Variants in NEDD4 observed in about 807,000 individuals in gnomAD.
The protein encoded by NEDD4 is NEDD4 E3 ubiquitin protein ligase.
In NEDD4, 99 loss-of-function variants were observed where a neutral mutation model predicts 144.9. The ratio of observed to expected loss-of-function variants is 0.68; its 90% CI spans 0.58 to 0.81. The LOEUF (loss-of-function observed/expected upper bound fraction) is 0.81. NEDD4 is among the 30% of genes least tolerant of loss of function. The pLI is 0.00. For missense variants in NEDD4, 985 were observed against 1,065.9 expected (o/e 0.92, Z 1.06); for synonymous variants, 318 against 350.6 (o/e 0.91, Z 1.04).
intron 5 of NEDD4, among the ~76,000 whole-genome samples, chr15:55,912,128 C>A (rs1292848804): frequency 2.6e-5 from 4 of 152,166 alleles, no homozygotes; most frequent in African/African-American, 4.8e-5. Context: ...ATTGTGGCAT[C>A]ACATTTTAGA....
rs2037989963 is a variant in NEDD4, at chr15:55,991,625, G to A, written c.45+1886C>T. ...ATGTGGACAAAATAGAGCGGGGACA[G>A]AAGCAAATTAGAGTCATGGAACTGA... On this transcript the variant is annotated intron_variant, in intron 1 of 28. Transcript: ENST00000435532. Among the ~76,000 whole-genome samples, 4 of 152,328 alleles carry A rather than the reference G, an allele frequency of 2.6e-5. No individual in the cohort carries two copies. In the South Asian group the frequency reaches 8.3e-4, roughly 32 times the overall value.
At chr15:55,954,377 T>C (rs2037299237) in intron 2 of NEDD4, among the ~76,000 whole-genome samples, 2 of 152,190 alleles carry the variant, frequency 1.3e-5, no homozygotes, top group African/African-American at 4.8e-5. Flanking sequence ...CATTTTCCCT[T>C]TCCAGTCTTA....
At chr15:55,902,709 A>G (rs1365344623) in intron 5 of NEDD4, among the ~76,000 whole-genome samples, 1 of 152,236 alleles carries the variant, frequency 6.6e-6, no homozygotes, top group Non-Finnish European at 1.5e-5. Context: ...TATTAAATAA[A>G]AAGAACTTAA....
chr15:55,951,490 T>G lies in NEDD4; in HGVS notation c.198+21A>C, dbSNP rs1233160604. 4.7e-6 allele frequency: 7 copies of G among 1,493,794 alleles called. No individual in the cohort carries two copies. The African/African-American group carries it at 1.0e-4, about 21-fold the overall frequency. The allele number at this position is 1,493,794 out of a possible 1,614,324, so 92.5% of individuals were successfully genotyped here. A position where few individuals can be genotyped will look rare whatever the true frequency, so the allele number is the denominator to read the frequency against. On this transcript the variant is annotated intron_variant, in intron 3 of 28. Transcript: ENST00000435532. ...ATAAAACAAAGTACATTAAAAACTT[T>G]TGAATATTGCTAAGTCTAACCTTTT...
chr15:55,966,855 T>C (rs1176120932), intron 1 of NEDD4, among the ~76,000 whole-genome samples: 2 of 152,150 alleles, frequency 1.3e-5, no homozygotes, highest in Non-Finnish European at 2.9e-5. Context: ...TATTGCTATA[T>C]ATGTACACAA....
intron 5 of NEDD4, chr15:55,916,167 G>T: frequency 6.2e-7 from 1 of 1,613,926 alleles, no homozygotes; most frequent in Non-Finnish European, 8.5e-7. Context: ...TTCACAAGGA[G>T]TAGTATTCCT....
intron 1 of NEDD4, among the ~76,000 whole-genome samples, chr15:55,977,159 A>C (rs1466820298): frequency 6.6e-6 from 1 of 152,204 alleles, no homozygotes; most frequent in Non-Finnish European, 1.5e-5. Flanking sequence ...GCCTCGCTAA[A>C]TAAGATAGTC....
intron 1 of NEDD4, among the ~76,000 whole-genome samples, chr15:55,991,423 T>C (rs1332737305): frequency 6.6e-6 from 1 of 152,218 alleles, no homozygotes; most frequent in African/African-American, 2.4e-5. Context: ...TATCTTTCCC[T>C]CAGTCCGAGG....
At chr15:55,977,409 C>A (rs776340217) in intron 1 of NEDD4, among the ~76,000 whole-genome samples, 5 of 152,218 alleles carry the variant, frequency 3.3e-5, no homozygotes, top group Non-Finnish European at 7.3e-5. Flanking sequence ...TGTGTAACTA[C>A]ACTCTATGAC....
At position 55,863,058 on chromosome 15, in the gene NEDD4, G is replaced by A; in HGVS notation, c.529C>T (p.Gln177Ter). The change falls in exon 9 of 29, where the codon CAA becomes TAA. Residue 177 changes from glutamine to a stop codon, truncating the protein, a stop_gained. Coordinates refer to ENST00000435532, the MANE Select transcript of NEDD4 (RefSeq NM_006154.4). LOFTEE classifies it high-confidence loss of function. Reference protein sequence around the residue: ...ELEPGWVVLDQPDAACHLQQQ... With the variant: ...ELEPGWVVLD Reference sequence around the variant, plus strand: ...TGCAAATGGCAAGCAGCATCTGGTTGGTCCAAAACAACCCAGCCAGGCTGA... The same window carrying A: ...TGCAAATGGCAAGCAGCATCTGGTTAGTCCAAAACAACCCAGCCAGGCTGA... The A allele has an allele frequency of 6.3e-7, 1 of 1,590,022 alleles. No individual in the cohort carries two copies. The highest frequency in any genetic ancestry group is 8.6e-7 in the Non-Finnish European group (1 of 1,164,360).
chr15:55,898,676 G>A lies in NEDD4; in HGVS notation c.292-24668C>T, dbSNP rs1313392168. Among the ~76,000 whole-genome samples the A allele has an allele frequency of 4.7e-5, 4 of 85,084 alleles. No individual in the cohort carries two copies. The Admixed American group carries it at 6.4e-4, about 14-fold the overall frequency. 55.8% of individuals were successfully genotyped at this position (85,084 alleles called of 152,430 possible). A position where few individuals can be genotyped will look rare whatever the true frequency, so the allele number is the denominator to read the frequency against. ...TTTTGAGACAAGGTCTTACTTTGTT[G>A]CCCAGGCTAAATACAGTGGCACAAT... On this transcript the variant is annotated intron_variant, in intron 5 of 28. Coordinates refer to ENST00000435532, the MANE Select transcript of NEDD4 (RefSeq NM_006154.4).
At chr15:55,941,367 C>T (rs1357987754) in intron 4 of NEDD4, among the ~76,000 whole-genome samples, 2 of 152,060 alleles carry the variant, frequency 1.3e-5, no homozygotes, top group East Asian at 3.8e-4. Context: ...ACTGAAATAG[C>T]TTCATCCCAC....
intron 1 of NEDD4, among the ~76,000 whole-genome samples, chr15:55,968,425 T>C (rs1380759338): frequency 1.3e-5 from 2 of 152,012 alleles, no homozygotes; most frequent in Non-Finnish European, 2.9e-5. Context: ...TGAGAAAAAA[T>C]ATCATGTGCA....
At chr15:55,913,174 C>T (rs1387199190) in intron 5 of NEDD4, among the ~76,000 whole-genome samples, 3 of 152,044 alleles carry the variant, frequency 2.0e-5, no homozygotes, top group African/African-American at 7.2e-5. Context: ...AGATAGCTGA[C>T]ATTACTAAAT....
At chr15:55,873,772 C>T (rs550504041) in intron 6 of NEDD4, among the ~76,000 whole-genome samples, 186 bp downstream of exon 6, 8 of 151,898 alleles carry the variant, frequency 5.3e-5, no homozygotes, top group African/African-American at 9.7e-5. Flanking sequence ...GGTTCATGAA[C>T]GGAAATCTTA....
rs1407920036 is a variant in NEDD4 at position 55,988,501 on chromosome 15, A to AAAG, written c.45+5009_45+5010insCTT. ...AAAAAAAAAATTAAAAAAAAAAAAAAAAAAAGAAAAACTGAGGAAATGTTA... is the reference window on the plus strand; with the variant it reads ...AAAAAAAAAATTAAAAAAAAAAAAAAAAGAAAAAGAAAAACTGAGGAAATGTTA... On this transcript the variant is annotated intron_variant, in intron 1 of 28. Coordinates refer to ENST00000435532, the MANE Select transcript of NEDD4 (RefSeq NM_006154.4). 2.0e-5 allele frequency among the ~76,000 whole-genome samples: 3 copies of AAAG among 149,070 alleles called. No homozygotes were observed. In the South Asian group the frequency reaches 6.4e-4, roughly 32 times the overall value.
At chr15:55,962,197 T>A (rs1164874386) in intron 2 of NEDD4, among the ~76,000 whole-genome samples, 1 of 152,228 alleles carries the variant, frequency 6.6e-6, no homozygotes, top group Non-Finnish European at 1.5e-5. Context: ...TCCACTTCAG[T>A]CTTTTTATGC....
intron 1 of NEDD4, among the ~76,000 whole-genome samples, chr15:55,991,064 C>G (rs1268107525): frequency 1.3e-5 from 2 of 152,214 alleles, no homozygotes; most frequent in African/African-American, 4.8e-5. Flanking sequence ...AGCGACTATT[C>G]ACTATATACT....
intron 8 of NEDD4, among the ~76,000 whole-genome samples, chr15:55,865,550 A>G (rs201695400): frequency 2.8e-5 from 2 of 70,944 alleles, no homozygotes; most frequent in African/African-American, 4.0e-5. Flanking sequence ...ACTAAATAAC[A>G]TTAAAAAAAA....
Sources: allele counts gnomAD v4.1 joint callset (sites outside exome capture counted in the v4.1 genomes callset), GRCh38; gene constraint gnomAD v4.1.1; transcripts MANE v1.5; gene names NCBI Gene and HGNC (gene_info 2026-07-23, HGNC 2026-07-21).